The following SOS1 variants were observed in gnomAD, a reference collection of about 807,000 sequenced individuals.
SOS1 encodes the protein son of sevenless homolog 1.
SOS1 carries 25 observed loss-of-function variants against 157.6 expected under a neutral mutation model. The observed-to-expected ratio is 0.16, with a 90% CI of 0.12 to 0.22. The LOEUF is 0.22. Among genes scored for constraint, SOS1 ranks in the 10% least tolerant of loss-of-function variants. The pLI is 1.00. For missense variants in SOS1, 1,237 were observed against 1,599.1 expected (o/e 0.77, Z 3.86); for synonymous variants, 528 against 534.0 (o/e 0.99, Z 0.16).
intron 6 of SOS1, among the ~76,000 whole-genome samples, chr2:39,040,414 C>A (rs777377759): frequency 6.6e-6 from 1 of 152,098 alleles, no homozygotes; most frequent in Non-Finnish European, 1.5e-5. Context: ...CAATGTGCAA[C>A]GGTCCATTTC....
intron 1 of SOS1, among the ~76,000 whole-genome samples, chr2:39,119,803 T>C (rs1292992323): frequency 6.6e-6 from 1 of 152,160 alleles, no homozygotes. Context: ...CCAGCCCCTG[T>C]TAATCGGAGG....
intron 17 of SOS1, among the ~76,000 whole-genome samples, chr2:39,004,846 GT>G (rs1394307516): frequency 6.6e-6 from 1 of 151,886 alleles, no homozygotes; most frequent in Non-Finnish European, 1.5e-5. Flanking sequence ...TAGCTTAGTA[GT>G]TGTAATAATA....
At chr2:39,063,309 T>C (rs1671475261) in intron 2 of SOS1, among the ~76,000 whole-genome samples, 1 of 146,416 alleles carries the variant, frequency 6.8e-6, no homozygotes, top group Non-Finnish European at 1.5e-5. Context: ...TTATTAGGTA[T>C]TACAAGTATT....
chr2:39,094,109 A>T (rs942447725), intron 1 of SOS1, among the ~76,000 whole-genome samples: 17 of 152,188 alleles, frequency 1.1e-4, no homozygotes, highest in Non-Finnish European at 1.5e-4. Flanking sequence ...TTTGCAAAAA[A>T]TACTAAACAA....
At chr2:39,059,448 TTTCC>T (rs906407723) in intron 2 of SOS1, among the ~76,000 whole-genome samples, 6 of 152,156 alleles carry the variant, frequency 3.9e-5, no homozygotes, top group Non-Finnish European at 8.8e-5. Context: ...CACAGCTGAA[TTTCC>T]TTCCTTATTA....
intron 8 of SOS1, among the ~76,000 whole-genome samples, chr2:39,028,148 T>C (rs966933987): frequency 6.6e-6 from 1 of 152,228 alleles, no homozygotes; most frequent in African/African-American, 2.4e-5. Context: ...TCATATGCTC[T>C]ATTGAGATGA....
intron 20 of SOS1, among the ~76,000 whole-genome samples, chr2:38,994,643 C>G (rs1464493169): frequency 6.6e-6 from 1 of 152,164 alleles, no homozygotes; most frequent in Non-Finnish European, 1.5e-5. Flanking sequence ...AATCTCAAAA[C>G]TTCCAATGAG....
Position 39,022,920 on chromosome 2 carries a change from T to G in SOS1, c.1508A>C (p.Asp503Ala). ...CTTGTATTCATTGGTGTCATCTTTA[T>G]CATTAATTTGTACCTTTCGCATAAA... ...KFFMRKVQIN[D>A]KDDTNEYKHA... Residue 503 changes from aspartate to alanine, a missense_variant, in exon 10 of 23, where the codon GAT (aspartate) becomes GCT (alanine). Transcript: ENST00000402219. 2 of 1,612,758 alleles carry G rather than the reference T, an allele frequency of 1.2e-6. No homozygotes were observed. Among genetic ancestry groups the G allele is most frequent in the Non-Finnish European group, 1.7e-6 (2 of 1,178,904 alleles).
chr2:39,004,523 T>G (rs1441942996), intron 17 of SOS1, among the ~76,000 whole-genome samples: 1 of 151,868 alleles, frequency 6.6e-6, no homozygotes, highest in African/African-American at 2.4e-5. Context: ...ATTTGAGTAT[T>G]TCATAAGATA....
At chr2:39,079,425 C>T (rs1431603543) in intron 1 of SOS1, among the ~76,000 whole-genome samples, 1 of 151,054 alleles carries the variant, frequency 6.6e-6, no homozygotes, top group Non-Finnish European at 1.5e-5. Context: ...CTATTACCTC[C>T]AGGGGAAGGG....
chr2:39,103,174 T>G (rs1673038140), intron 1 of SOS1, among the ~76,000 whole-genome samples: 1 of 152,044 alleles, frequency 6.6e-6, no homozygotes, highest in African/African-American at 2.4e-5. Context: ...CCAAAATAAA[T>G]TAAAAGCCAT....
intron 15 of SOS1, among the ~76,000 whole-genome samples, chr2:39,009,989 G>A (rs1415958654): frequency 1.3e-5 from 2 of 152,010 alleles, no homozygotes; most frequent in Non-Finnish European, 2.9e-5. Context: ...AAGAAAGGAG[G>A]AATAGAGGAA....
chr2:39,025,533 T>C (rs1488802462), intron 8 of SOS1, among the ~76,000 whole-genome samples: 1 of 150,972 alleles, frequency 6.6e-6, no homozygotes, highest in Non-Finnish European at 1.5e-5. Context: ...TTTTTTTTTT[T>C]ACTTCTAGTA....
At chr2:39,118,171 T>G (rs1196935329) in intron 1 of SOS1, among the ~76,000 whole-genome samples, 2 of 152,160 alleles carry the variant, frequency 1.3e-5, no homozygotes, top group Non-Finnish European at 2.9e-5. Context: ...GATTTGACAG[T>G]TCAGGTTGAG....
chr2:39,121,157 C>A, upstream of SOS1: 1 of 153,050 alleles, frequency 6.5e-6, no homozygotes, highest in Non-Finnish European at 1.5e-5. Context: ...GGGAGGGCGC[C>A]CGGCCGGGCT....
chr2:39,103,456 T>G (rs557639991), intron 1 of SOS1, among the ~76,000 whole-genome samples: 1 of 152,206 alleles, frequency 6.6e-6, no homozygotes, highest in Admixed American at 6.5e-5. Flanking sequence ...CATAGACATA[T>G]AGACCAACAG....
intron 8 of SOS1, among the ~76,000 whole-genome samples, chr2:39,029,067 C>T (rs1572835919): frequency 6.6e-6 from 1 of 152,064 alleles, no homozygotes; most frequent in Non-Finnish European, 1.5e-5. Context: ...TTAAACATTC[C>T]ACTAAAAGCT....
chr2:39,110,262 A>G (rs1223721729), intron 1 of SOS1, among the ~76,000 whole-genome samples: 3 of 152,126 alleles, frequency 2.0e-5, no homozygotes, highest in African/African-American at 7.2e-5. Flanking sequence ...ATAATAACTA[A>G]TACTATGTAA....
intron 1 of SOS1, among the ~76,000 whole-genome samples, chr2:39,090,788 C>T (rs758255757): frequency 1.3e-5 from 2 of 152,200 alleles, no homozygotes; most frequent in African/African-American, 2.4e-5. Context: ...GCTTTTCAAA[C>T]TTAAATCACC....
Sources: allele counts gnomAD v4.1 joint callset (sites outside exome capture counted in the v4.1 genomes callset), GRCh38; gene constraint gnomAD v4.1.1; transcripts MANE v1.5; gene names NCBI Gene and HGNC (gene_info 2026-07-23, HGNC 2026-07-21).